CCSER1: variants seen among roughly 807,000 people sequenced by gnomAD.
CCSER1 encodes serine-rich coiled-coil domain-containing protein 1.
Under a neutral mutation model 82.0 loss-of-function variants are expected in CCSER1, and 41 were observed. The observed-to-expected ratio is 0.50, with a 90% CI of 0.39 to 0.65. CCSER1 has a LOEUF of 0.65. Ranked by LOEUF, CCSER1 falls within the 30% of genes least tolerant of loss-of-function variation. The pLI is 0.00. For missense variants in CCSER1, 1,119 were observed against 1,064.2 expected, an observed-to-expected ratio of 1.05 and a Z score of -0.72; for synonymous variants, 414 against 383.9, an observed-to-expected ratio of 1.08 and a Z score of -0.92.
chr4:91,065,197 T>C (rs1412465743), intron 9 of CCSER1, among the ~76,000 whole-genome samples: 2 of 152,138 alleles, frequency 1.3e-5, no homozygotes, highest in African/African-American at 2.4e-5. Context: ...TAGGAAGATT[T>C]AAGAAAGCTC....
intron 9 of CCSER1, among the ~76,000 whole-genome samples, chr4:90,971,599 C>T (rs1376536819): frequency 1.3e-5 from 2 of 151,862 alleles, no homozygotes; most frequent in Admixed American, 1.3e-4. Context: ...ATAATAAATG[C>T]CAATACTTTT....
At chr4:90,409,370 C>T (rs1754299049) in intron 4 of CCSER1, among the ~76,000 whole-genome samples, 1 of 152,138 alleles carries the variant, frequency 6.6e-6, no homozygotes, top group South Asian at 2.1e-4. Flanking sequence ...ATGTTAAGGG[C>T]AGCCAGAGAG....
intron 6 of CCSER1, among the ~76,000 whole-genome samples, chr4:90,711,320 ATATCT>A (rs1398299535): frequency 1.3e-5 from 2 of 152,068 alleles, no homozygotes; most frequent in African/African-American, 4.8e-5. Context: ...AATATGCTTT[ATATCT>A]TTCTCTTGCC....
chr4:90,922,794 CAG>C (rs1561369480), intron 8 of CCSER1, among the ~76,000 whole-genome samples: 5 of 152,074 alleles, frequency 3.3e-5, no homozygotes, highest in African/African-American at 1.2e-4. Flanking sequence ...TTAGTTTACT[CAG>C]AAATCGTAGT....
At chr4:91,564,732 G>T (rs1283149984) in intron 10 of CCSER1, among the ~76,000 whole-genome samples, 1 of 151,620 alleles carries the variant, frequency 6.6e-6, no homozygotes, top group Non-Finnish European at 1.5e-5. Flanking sequence ...TAATGCTATT[G>T]TTTCTCTCTT....
chr4:90,981,280 T>C (rs1736093040), intron 9 of CCSER1, among the ~76,000 whole-genome samples: 1 of 151,820 alleles, frequency 6.6e-6, no homozygotes, highest in Non-Finnish European at 1.5e-5. Flanking sequence ...AGCTCCTAAC[T>C]AAACTATTTG....
chr4:91,046,306 G>A (rs1313910637), intron 9 of CCSER1, among the ~76,000 whole-genome samples: 1 of 151,862 alleles, frequency 6.6e-6, no homozygotes, highest in African/African-American at 2.4e-5. Context: ...TCTTCTAAGT[G>A]TAACAATTAA....
At chr4:90,983,282 T>C (rs1736289910) in intron 9 of CCSER1, among the ~76,000 whole-genome samples, 1 of 151,818 alleles carries the variant, frequency 6.6e-6, no homozygotes, top group African/African-American at 2.4e-5. Flanking sequence ...CATTTACACA[T>C]AATTCTTTGC....
intron 10 of CCSER1, among the ~76,000 whole-genome samples, chr4:91,460,684 C>T (rs1402588802): frequency 1.3e-5 from 2 of 152,106 alleles, no homozygotes; most frequent in Non-Finnish European, 2.9e-5. Context: ...CTGTGTTGAT[C>T]CCTTCCACCC....
At position 91,051,351 on chromosome 4, in the gene CCSER1, A is replaced by G. The variant is rs575499784; in HGVS notation, c.2173-34599A>G. ...TACAATTAATTATTTTATAGCCATT[A>G]AATTTAACAGAATAATTTTAAAATC... On this transcript the variant is annotated intron_variant, in intron 9 of 10. Coordinates refer to ENST00000509176, the MANE Select transcript of CCSER1 (RefSeq NM_001145065.2). Among the ~76,000 whole-genome samples, 7 of 152,152 alleles carry G rather than the reference A, an allele frequency of 4.6e-5. No individual in the cohort carries two copies. The South Asian group carries it at 1.5e-3, about 32-fold the overall frequency.
chr4:91,321,135 G>A (rs892385954), intron 10 of CCSER1, among the ~76,000 whole-genome samples: 1 of 152,052 alleles, frequency 6.6e-6, no homozygotes, highest in Non-Finnish European at 1.5e-5. Context: ...GTTAGAATAA[G>A]AGGATAAACT....
intron 5 of CCSER1, among the ~76,000 whole-genome samples, chr4:90,517,903 A>G (rs574294211): frequency 6.6e-6 from 1 of 152,194 alleles, no homozygotes; most frequent in South Asian, 2.1e-4. Context: ...GCCTCACTCC[A>G]AAACCATGCA....
intron 4 of CCSER1, among the ~76,000 whole-genome samples, chr4:90,426,429 G>A (rs551659346): frequency 6.6e-6 from 1 of 152,268 alleles, no homozygotes; most frequent in South Asian, 2.1e-4. Flanking sequence ...ATAGGCCTTA[G>A]AAGGGGTTGT....
At chr4:90,888,842 A>G (rs893645173) in intron 8 of CCSER1, among the ~76,000 whole-genome samples, 2 of 152,316 alleles carry the variant, frequency 1.3e-5, no homozygotes, top group South Asian at 2.1e-4. Context: ...TTTTAACTCT[A>G]TATTGAGCAA....
intron 1 of CCSER1, among the ~76,000 whole-genome samples, chr4:90,303,892 A>T (rs1218669931): frequency 7.2e-5 from 11 of 151,898 alleles, no homozygotes; most frequent in African/African-American, 2.7e-4. Context: ...AAATTTTCGC[A>T]ACCTACTCAT....
At chr4:91,116,775 T>A (rs1025689310) in intron 10 of CCSER1, among the ~76,000 whole-genome samples, 2 of 152,096 alleles carry the variant, frequency 1.3e-5, no homozygotes, top group Non-Finnish European at 2.9e-5. Flanking sequence ...AAAACAGGGA[T>A]CATTTTTTTT....
chr4:90,395,008 C>T (rs1751755887), intron 3 of CCSER1, among the ~76,000 whole-genome samples: 1 of 152,166 alleles, frequency 6.6e-6, no homozygotes, highest in Non-Finnish European at 1.5e-5. Flanking sequence ...CCATGTTGTA[C>T]AACAGATCTT....
At position 90,281,375 on chromosome 4, in the gene CCSER1, C is replaced by A. The variant is rs1384233239; in HGVS notation, c.-41-26869C>A. Among the ~76,000 whole-genome samples the A allele has an allele frequency of 2.6e-5, 4 of 151,860 alleles. No homozygotes were observed. The East Asian group carries it at 7.7e-4, about 29-fold the overall frequency. On this transcript the variant is annotated intron_variant, in intron 1 of 10. Transcript: ENST00000509176. The stretch of plus-strand genomic sequence containing the variant: ...GGAAAGGCAAGGATTGAAAAACTAC[C>A]TATTGGGAACTATGCTTATTACCTG...
At chr4:90,447,434 G>A (rs1438940277) in intron 4 of CCSER1, among the ~76,000 whole-genome samples, 2 of 152,044 alleles carry the variant, frequency 1.3e-5, no homozygotes, top group Admixed American at 6.6e-5. Flanking sequence ...AAATCAAATA[G>A]CAAAAATTCT....
Sources: allele counts gnomAD v4.1 joint callset (sites outside exome capture counted in the v4.1 genomes callset), GRCh38; gene constraint gnomAD v4.1.1; transcripts MANE v1.5; gene names NCBI Gene and HGNC (gene_info 2026-07-23, HGNC 2026-07-21).